SPMIP2: variants seen among roughly 807,000 people sequenced by gnomAD.
The protein encoded by SPMIP2 is protein SPMIP2.
the SPMIP2 span, among the ~76,000 whole-genome samples, chr4:158,909,988 G>A: frequency 6.6e-6 from 1 of 152,194 alleles, no homozygotes; most frequent in East Asian, 1.9e-4. Context: ...GTTGCAGTGA[G>A]CTGAGATTGT....
At chr4:159,080,966 G>A in the SPMIP2 span, among the ~76,000 whole-genome samples, 15 of 151,808 alleles carry the variant, frequency 9.9e-5, no homozygotes, top group East Asian at 3.9e-4. Flanking sequence ...CTTGTGATCC[G>A]CCTGCCTTGG....
the SPMIP2 span, among the ~76,000 whole-genome samples, chr4:159,030,217 A>C: frequency 2.6e-5 from 4 of 152,172 alleles, no homozygotes; most frequent in Non-Finnish European, 5.9e-5. Flanking sequence ...GTTCAAGACC[A>C]GCCTGGGCAA....
chr4:159,062,813 C>T, the SPMIP2 span, among the ~76,000 whole-genome samples: 2 of 151,612 alleles, frequency 1.3e-5, no homozygotes, highest in African/African-American at 4.8e-5. Flanking sequence ...CTCAGCCTCC[C>T]AAGTAGCTAA....
At chr4:159,056,731 A>G in the SPMIP2 span, among the ~76,000 whole-genome samples, 1 of 152,164 alleles carries the variant, frequency 6.6e-6, no homozygotes, top group African/African-American at 2.4e-5. Context: ...CAAGAATTTG[A>G]TAGGGAAAAT....
At chr4:158,969,151 T>C in the SPMIP2 span, among the ~76,000 whole-genome samples, 12 of 152,182 alleles carry the variant, frequency 7.9e-5, no homozygotes, top group Admixed American at 6.5e-4. Context: ...GAAAACCAAA[T>C]GACTTAAATC....
At chr4:158,984,732 A>T in the SPMIP2 span, among the ~76,000 whole-genome samples, 1 of 152,192 alleles carries the variant, frequency 6.6e-6, no homozygotes, top group African/African-American at 2.4e-5. Flanking sequence ...ACTAGAAAAG[A>T]AAGAGCAAAC....
the SPMIP2 span, among the ~76,000 whole-genome samples, chr4:158,900,213 T>C: frequency 2.0e-5 from 3 of 152,248 alleles, no homozygotes; most frequent in Non-Finnish European, 4.4e-5. Context: ...TGAGAGACTG[T>C]TATGATTTCC....
the SPMIP2 span, among the ~76,000 whole-genome samples, chr4:159,041,954 T>A: frequency 6.6e-6 from 1 of 152,370 alleles, no homozygotes; most frequent in East Asian, 1.9e-4. Flanking sequence ...GAATGTTGAT[T>A]CCCAAATCTG....
chr4:158,960,665 G>A, the SPMIP2 span, among the ~76,000 whole-genome samples: 1 of 152,094 alleles, frequency 6.6e-6, no homozygotes, highest in Admixed American at 6.5e-5. Flanking sequence ...AAATAAGCGA[G>A]CATTCTAAAC....
the SPMIP2 span, among the ~76,000 whole-genome samples, chr4:159,051,386 C>T: frequency 6.6e-6 from 1 of 152,136 alleles, no homozygotes; most frequent in Non-Finnish European, 1.5e-5. Context: ...AGACTGTAAA[C>T]TGCTCAGAAG....
At chr4:159,005,610 G>A in the SPMIP2 span, among the ~76,000 whole-genome samples, 10 of 152,090 alleles carry the variant, frequency 6.6e-5, no homozygotes, top group Admixed American at 6.6e-4. Context: ...AAACTGAGAA[G>A]TGCTATAAGT....
At chr4:159,073,017 C>T in the SPMIP2 span, among the ~76,000 whole-genome samples, 1 of 152,200 alleles carries the variant, frequency 6.6e-6, no homozygotes, top group African/African-American at 2.4e-5. Context: ...ATTGTTAATG[C>T]ATATGCAAAT....
chr4:159,021,989 A>T, the SPMIP2 span, among the ~76,000 whole-genome samples: 4 of 152,336 alleles, frequency 2.6e-5, no homozygotes, highest in African/African-American at 9.6e-5. Flanking sequence ...CTGGAATCAT[A>T]GATCATTTTA....
At chr4:159,007,277 T>G in the SPMIP2 span, 1 of 1,150,858 alleles carries the variant, frequency 8.7e-7, no homozygotes. Flanking sequence ...ACTGCCTCAA[T>G]GTGGCTGACC....
the SPMIP2 span, among the ~76,000 whole-genome samples, chr4:159,008,344 G>A: frequency 6.6e-6 from 1 of 152,158 alleles, no homozygotes; most frequent in Non-Finnish European, 1.5e-5. Context: ...AGGCCAAGGC[G>A]GGTGGATCAC....
At chr4:159,016,639 C>T in the SPMIP2 span, among the ~76,000 whole-genome samples, 1 of 152,076 alleles carries the variant, frequency 6.6e-6, no homozygotes, top group Non-Finnish European at 1.5e-5. Flanking sequence ...TTTGGTAACC[C>T]CTTGTGGTTG....
At chr4:159,037,589 G>A in the SPMIP2 span, among the ~76,000 whole-genome samples, 1 of 151,648 alleles carries the variant, frequency 6.6e-6, no homozygotes, top group Non-Finnish European at 1.5e-5. Flanking sequence ...AACTAGTCTG[G>A]GCAACATGGC....
At chr4:158,937,078 A>T in the SPMIP2 span, among the ~76,000 whole-genome samples, 1 of 152,214 alleles carries the variant, frequency 6.6e-6, no homozygotes, top group African/African-American at 2.4e-5. Context: ...ACGTATCATC[A>T]TTGAGCTGAT....
At chr4:158,904,338 A>G in the SPMIP2 span, 1 of 808,582 alleles carries the variant, frequency 1.2e-6, no homozygotes, top group East Asian at 2.7e-5. Context: ...TTGCTTTTTC[A>G]TTAGTTTTAA....
Sources: gnomAD v4.1 joint callset for allele counts (sites outside exome capture counted in the v4.1 genomes callset) on GRCh38, gnomAD v4.1.1 for gene constraint, MANE v1.5 for transcripts, NCBI Gene and HGNC (gene_info 2026-07-23, HGNC 2026-07-21) for gene names.